GCNT1: variants seen among roughly 807,000 people sequenced by gnomAD.
GCNT1 encodes glucosaminyl (N-acetyl) transferase 1.
A neutral mutation model predicts 26.2 loss-of-function variants in GCNT1; 16 were observed. The observed-to-expected ratio is 0.61, with a 90% CI of 0.41 to 0.93. The LOEUF (loss-of-function observed/expected upper bound fraction) is 0.93, where lower values mean the gene tolerates loss of function less well. GCNT1 is among the 40% of genes least tolerant of loss of function. The pLI is 0.00. For missense variants in GCNT1, 477 were observed against 526.7 expected, an observed-to-expected ratio of 0.91 and a Z score of 0.92; for synonymous variants, 183 against 190.8, an observed-to-expected ratio of 0.96 and a Z score of 0.34.
intron 2 of GCNT1, among the ~76,000 whole-genome samples, chr9:76,476,165 A>T (rs900903855): frequency 6.6e-6 from 1 of 152,182 alleles, no homozygotes; most frequent in African/African-American, 2.4e-5. Flanking sequence ...ATCTCTAAAA[A>T]CAAGGAATCT....
At chr9:76,445,040 A>C (rs903207689) in intron 1 of GCNT1, among the ~76,000 whole-genome samples, 3 of 152,244 alleles carry the variant, frequency 2.0e-5, no homozygotes, top group Admixed American at 6.5e-5. Flanking sequence ...CTTTCCAGAA[A>C]AGGAAAGCTC....
chr9:76,418,606 A>G (rs955749580), upstream of GCNT1, among the ~76,000 whole-genome samples: 1 of 152,232 alleles, frequency 6.6e-6, no homozygotes, highest in Non-Finnish European at 1.5e-5. Context: ...TTTAACATGC[A>G]TAAACATGAG....
the GCNT1 span, among the ~76,000 whole-genome samples, chr9:76,409,548 T>C: frequency 6.6e-6 from 1 of 152,052 alleles, no homozygotes; most frequent in African/African-American, 2.4e-5. Flanking sequence ...TGGGTTCAAG[T>C]GATTCTCGTG....
chr9:76,503,198 A>G lies in GCNT1; in HGVS notation c.817A>G (p.Lys273Glu). 1 of 1,614,220 alleles carries G rather than the reference A, an allele frequency of 6.2e-7. No individual in the cohort carries two copies. Among genetic ancestry groups the G allele is most frequent in the Non-Finnish European group, 8.5e-7 (1 of 1,180,030 alleles). Residue 273 changes from lysine to glutamate, a missense_variant, in exon 4 of 4, where the codon AAA becomes GAA. Transcript: ENST00000376730. ...NGKLTNTGTV[K>E]MLPPLETPLF... ...AAAGCTGACAAACACAGGGACTGTC[A>G]AAATGCTTCCTCCACTCGAAACACC... is the stretch of plus-strand genomic sequence containing the variant.
intron 1 of GCNT1, among the ~76,000 whole-genome samples, chr9:76,422,449 A>C (rs1347508957): frequency 2.6e-5 from 4 of 152,164 alleles, no homozygotes; most frequent in Non-Finnish European, 5.9e-5. Context: ...TTTATTTATA[A>C]TTTTTTGGCT....
At chr9:76,458,457 C>T (rs1157648686), upstream of GCNT1, among the ~76,000 whole-genome samples, 1 of 152,106 alleles carries the variant, frequency 6.6e-6, no homozygotes, top group East Asian at 1.9e-4. Context: ...GCTGGGATTA[C>T]AGGCGTGAGC....
chr9:76,409,125 TAATA>T, the GCNT1 span, among the ~76,000 whole-genome samples: 1 of 152,232 alleles, frequency 6.6e-6, no homozygotes, highest in Non-Finnish European at 1.5e-5. Context: ...TCAATTTCTT[TAATA>T]AATATAGACT....
upstream of GCNT1, among the ~76,000 whole-genome samples, chr9:76,415,303 T>C (rs949216578): frequency 7.9e-5 from 12 of 152,112 alleles, no homozygotes; most frequent in African/African-American, 2.9e-4. Context: ...GCAATCCACT[T>C]GTCTCAGTCT....
intron 1 of GCNT1, among the ~76,000 whole-genome samples, chr9:76,449,216 C>G (rs1027098936): frequency 2.0e-5 from 3 of 151,636 alleles, no homozygotes; most frequent in Non-Finnish European, 4.4e-5. Flanking sequence ...ACCTGTAGTC[C>G]TAGCTACTTG....
At position 76,504,184 on chromosome 9, in the gene GCNT1, C is replaced by T. The variant is rs1825172076; in HGVS notation, c.*516C>T. On this transcript the variant is annotated 3_prime_UTR_variant, in exon 4 of 4. Coordinates refer to ENST00000376730, the MANE Select transcript of GCNT1 (RefSeq NM_001490.5). ...ATGATTTTTGTAAATAATTTATATT[C>T]TGCTCTAATACTGTACTGTGTAGTG... 1 of 194,882 alleles carries T rather than the reference C, an allele frequency of 5.1e-6. No individual in the cohort carries two copies. 12.1% of individuals were successfully genotyped at this position (194,882 alleles called of 1,614,324 possible). A position where few individuals can be genotyped will look rare whatever the true frequency, so the allele number is the denominator to read the frequency against.
chr9:76,401,159 G>T, the GCNT1 span, among the ~76,000 whole-genome samples: 27 of 152,346 alleles, frequency 1.8e-4, no homozygotes, highest in Non-Finnish European at 3.4e-4. Flanking sequence ...CTGGCTGAGT[G>T]TAAGTGTCTT....
At chr9:76,395,006 C>T in the GCNT1 span, among the ~76,000 whole-genome samples, 1 of 152,158 alleles carries the variant, frequency 6.6e-6, no homozygotes, top group Non-Finnish European at 1.5e-5. Flanking sequence ...GGGAGAAGTC[C>T]CTGTCTGTGA....
At chr9:76,492,662 G>A (rs192296910) in intron 2 of GCNT1, among the ~76,000 whole-genome samples, 20 of 150,394 alleles carry the variant, frequency 1.3e-4, no homozygotes, top group East Asian at 3.9e-4. Context: ...TGATTTCCGC[G>A]GCATAGTGGA....
chr9:76,446,277 C>G (rs914313780), intron 1 of GCNT1, among the ~76,000 whole-genome samples: 2 of 152,048 alleles, frequency 1.3e-5, no homozygotes, highest in African/African-American at 4.8e-5. Context: ...TAGCCAGGGT[C>G]TCCAGAACAT....
the GCNT1 span, chr9:76,399,666 A>C: frequency 1.2e-6 from 1 of 863,750 alleles, no homozygotes; most frequent in Admixed American, 2.5e-5. Flanking sequence ...AAAAAAAAAA[A>C]CCTATTTGTT....
the GCNT1 span, among the ~76,000 whole-genome samples, chr9:76,406,191 G>A: frequency 6.6e-6 from 1 of 152,126 alleles, no homozygotes; most frequent in Non-Finnish European, 1.5e-5. Flanking sequence ...TGAAGTGTCT[G>A]TTCAGGTCTT....
At chr9:76,480,053 A>G (rs905615912) in intron 2 of GCNT1, among the ~76,000 whole-genome samples, 13 of 152,222 alleles carry the variant, frequency 8.5e-5, no homozygotes, top group African/African-American at 3.1e-4. Context: ...GAAGGGATCC[A>G]GTTTCAGCTT....
At position 76,506,866 on chromosome 9, in the gene GCNT1, C is replaced by T. The variant is rs536524530; in HGVS notation, c.*3198C>T. 3.6e-5 allele frequency: 6 copies of T among 166,800 alleles called. No homozygotes were observed. In the South Asian group the frequency reaches 1.0e-3, roughly 29 times the overall value. The allele number at this position is 166,800 out of a possible 1,614,324, so 10.3% of individuals were successfully genotyped here. ...TTTCAGTTCGTTTTCTCTGTAGGGT[C>T]GATTGAATTGGACCTTTTCAGTTGT... On this transcript the variant is annotated 3_prime_UTR_variant, in exon 4 of 4. Coordinates refer to ENST00000376730, the MANE Select transcript of GCNT1 (RefSeq NM_001490.5).
At chr9:76,448,825 T>G (rs767755109) in intron 1 of GCNT1, among the ~76,000 whole-genome samples, 1 of 152,232 alleles carries the variant, frequency 6.6e-6, no homozygotes, top group Non-Finnish European at 1.5e-5. Flanking sequence ...TTCCATTATT[T>G]TAATATGATA....
Sources: gnomAD v4.1 joint callset for allele counts (sites outside exome capture counted in the v4.1 genomes callset) on GRCh38, gnomAD v4.1.1 for gene constraint, MANE v1.5 for transcripts, NCBI Gene and HGNC (gene_info 2026-07-23, HGNC 2026-07-21) for gene names.